OGDH: variants seen among roughly 807,000 people sequenced by gnomAD.
The protein encoded by OGDH is oxoglutarate dehydrogenase.
Under a neutral mutation model 116.6 loss-of-function variants are expected in OGDH, and 38 were observed. The ratio of observed to expected loss-of-function variants is 0.33; its 90% CI spans 0.25 to 0.43. The LOEUF (loss-of-function observed/expected upper bound fraction) is 0.43, where lower values mean the gene tolerates loss of function less well. OGDH is among the 20% of genes least tolerant of loss of function. The probability of loss-of-function intolerance (pLI) is 1.00; values close to 1 mark genes in which losing one functional copy is unlikely to be tolerated. For missense variants in OGDH, 825 were observed against 1,357.2 expected (o/e 0.61, Z 6.16); for synonymous variants, 488 against 533.3 (o/e 0.92, Z 1.17).
intron 18 of OGDH, among the ~76,000 whole-genome samples, chr7:44,699,186 T>C (rs982963315): frequency 7.5e-6 from 1 of 133,662 alleles, no homozygotes; most frequent in African/African-American, 2.9e-5. Flanking sequence ...CTCAACACTT[T>C]GGAGGCCCAG....
chr7:44,694,122 C>G lies in OGDH; in HGVS notation c.1515+118C>G. On this transcript the variant is annotated intron_variant, in intron 11 of 22. Coordinates refer to ENST00000222673, the MANE Select transcript of OGDH (RefSeq NM_002541.4). This position sits in a 1 kb window ranked among gnomAD's most constrained non-coding sequence, Gnocchi z 4.2. ...TCTAGATGAGTCACCTCAGGGCTCT[C>G]TACTGCCAGGCCTCATGCTGGTTCC... The G allele has an allele frequency of 8.8e-7, 1 of 1,130,582 alleles. No homozygotes were observed. The highest frequency in any genetic ancestry group is 1.6e-5 in the South Asian group (1 of 61,364). The allele number at this position is 1,130,582 out of a possible 1,614,324, so 70.0% of individuals were successfully genotyped here.
rs139263859 is a variant in OGDH at position 44,674,572 on chromosome 7, G to A, written c.935+15G>A. 2.1e-3 allele frequency: 3,396 copies of A among 1,613,450 alleles called. 6 individuals carry two copies. The highest frequency in any genetic ancestry group is 2.6e-3 in the Non-Finnish European group (3,126 of 1,179,782). ...ATGCCACACAGGTACAGCCAAGGGC[G>A]CGCCCAACCTGGTTTCTCACCATCC... is the stretch of plus-strand genomic sequence containing the variant. On this transcript the variant is annotated intron_variant, in intron 7 of 22. Transcript: ENST00000222673.
At chr7:44,705,873 C>T (rs1027828674) in intron 20 of OGDH, among the ~76,000 whole-genome samples, 1 of 152,162 alleles carries the variant, frequency 6.6e-6, no homozygotes, top group East Asian at 1.9e-4. Context: ...GTTTGTTAAC[C>T]TTACTCCTTT....
At chr7:44,621,495 C>A (rs1785007238) in intron 1 of OGDH, among the ~76,000 whole-genome samples, 1 of 152,184 alleles carries the variant, frequency 6.6e-6, no homozygotes, top group African/African-American at 2.4e-5. Flanking sequence ...CAGCAAATAG[C>A]TGTCCTGGCC....
At chr7:44,638,573 A>G (rs1016264976) in intron 2 of OGDH, among the ~76,000 whole-genome samples, 5 of 152,216 alleles carry the variant, frequency 3.3e-5, no homozygotes, top group African/African-American at 1.2e-4. Context: ...ATCAGACTGC[A>G]ATTCCGGGAC....
At chr7:44,607,921 C>T (rs1286304112) in intron 1 of OGDH, among the ~76,000 whole-genome samples, 1 of 152,118 alleles carries the variant, frequency 6.6e-6, no homozygotes, top group Admixed American at 6.6e-5. Flanking sequence ...AGGCTATTCT[C>T]GAACTCCTGA....
chr7:44,707,893 A>G lies in OGDH; in HGVS notation c.2966A>G (p.Asp989Gly). ...CCATCTCTCAGGTATGCCGGCCGGGACCCAGCGGCTGCTCCAGCCACCGGC... is the reference window on the plus strand; with the variant it reads ...CCATCTCTCAGGTATGCCGGCCGGGGCCCAGCGGCTGCTCCAGCCACCGGC... ...RAKPVWYAGR[D>G]PAAAPATGNK... Residue 989 changes from aspartate (D) to glycine (G), a missense_variant, in exon 23 of 23, where the codon GAC becomes GGC. Asp to Gly is a moderately conservative substitution (Grantham distance 94). This residue lies in a region of OGDH where 212 missense variants were observed against 284.3 expected (regional missense o/e 0.75). Coordinates refer to ENST00000222673, the MANE Select transcript of OGDH (RefSeq NM_002541.4). This position sits in a 1 kb window ranked among gnomAD's most constrained non-coding sequence, Gnocchi z 5.2. The G allele has an allele frequency of 6.2e-7, 1 of 1,613,174 alleles. No individual in the cohort carries two copies.
At chr7:44,622,073 G>A (rs1030592706) in intron 1 of OGDH, among the ~76,000 whole-genome samples, 1 of 152,140 alleles carries the variant, frequency 6.6e-6, no homozygotes, top group Non-Finnish European at 1.5e-5. Context: ...TGCAGCAACT[G>A]AATACTGATA....
At chr7:44,679,685 A>G (rs1343335489) in intron 9 of OGDH, among the ~76,000 whole-genome samples, 1 of 152,196 alleles carries the variant, frequency 6.6e-6, no homozygotes, top group Admixed American at 6.5e-5. Flanking sequence ...TAAAGATAAG[A>G]TTAACGTTTA....
intron 5 of OGDH, among the ~76,000 whole-genome samples, chr7:44,668,389 TC>T (rs1787278986): frequency 6.6e-6 from 1 of 151,958 alleles, no homozygotes; most frequent in Non-Finnish European, 1.5e-5. Flanking sequence ...TGAGCGAAGA[TC>T]GCGCCACTGC....
At chr7:44,672,951 C>G (rs1410241699) in intron 5 of OGDH, among the ~76,000 whole-genome samples, 3 of 152,066 alleles carry the variant, frequency 2.0e-5, no homozygotes, top group African/African-American at 7.2e-5. Flanking sequence ...CCGAGATGGA[C>G]TTCTAAGAGC....
intron 10 of OGDH, among the ~76,000 whole-genome samples, chr7:44,686,789 A>G (rs2116281842): frequency 6.6e-6 from 1 of 151,226 alleles, no homozygotes; most frequent in South Asian, 2.1e-4. Context: ...CCTGGGTTCA[A>G]GGATTCTCCT....
At chr7:44,690,342 G>A (rs1788316300) in intron 10 of OGDH, among the ~76,000 whole-genome samples, 2 of 152,160 alleles carry the variant, frequency 1.3e-5, no homozygotes, top group African/African-American at 4.8e-5. Flanking sequence ...GAGGTGAGAG[G>A]AGAAACCATT....
rs137910423 is a variant in OGDH at position 44,675,208 on chromosome 7, C to T, written c.966C>T (p.Ile322=). ...GGCTGAACGTGCTTGCAAATGTCAT[C>T]AGGAAGGAGCTGGAACAGATCTTCT... The part of the protein sequence containing the change: ...RGRLNVLANV[I]RKELEQIFCQ... Residue 322 remains isoleucine, a synonymous_variant, in exon 8 of 23, where the codon ATC becomes ATT. Transcript: ENST00000222673. 42 of 1,614,054 alleles carry T rather than the reference C, an allele frequency of 2.6e-5. No homozygotes were observed. The highest frequency in any genetic ancestry group is 2.3e-4 in the African/African-American group (17 of 74,934).
At chr7:44,696,247 C>G in intron 13 of OGDH, 120 bp downstream of exon 13, 1 of 1,024,488 alleles carries the variant, frequency 9.8e-7, no homozygotes. Context: ...GTTGTATGCA[C>G]CATTTCAGCA....
chr7:44,615,744 G>T (rs1351408183), intron 1 of OGDH, among the ~76,000 whole-genome samples: 1 of 152,112 alleles, frequency 6.6e-6, no homozygotes, highest in Non-Finnish European at 1.5e-5. Flanking sequence ...AGAAAATCAA[G>T]AACTCAGTGC....
At chr7:44,611,120 G>C (rs1410109314) in intron 1 of OGDH, among the ~76,000 whole-genome samples, 1 of 147,712 alleles carries the variant, frequency 6.8e-6, no homozygotes, top group Non-Finnish European at 1.5e-5. Context: ...TGTCACCCCA[G>C]GCTGGAGTGC....
chr7:44,661,111 G>T (rs753685201), intron 4 of OGDH, among the ~76,000 whole-genome samples: 1 of 152,128 alleles, frequency 6.6e-6, no homozygotes, highest in Non-Finnish European at 1.5e-5. Context: ...CAGATTTGGG[G>T]TCACTTATTT....
At chr7:44,685,777 C>A (rs892597365) in intron 10 of OGDH, among the ~76,000 whole-genome samples, 1 of 151,934 alleles carries the variant, frequency 6.6e-6, no homozygotes, top group Admixed American at 6.6e-5. Context: ...CACCACCATG[C>A]CCAGCTATTT....
Sources: gnomAD v4.1 joint callset for allele counts (sites outside exome capture counted in the v4.1 genomes callset) on GRCh38, gnomAD v4.1.1 for gene constraint, gnomAD v4.1.1 regional missense constraint, Gnocchi (gnomAD v3.1) non-coding constraint, MANE v1.5 for transcripts, NCBI Gene and HGNC (gene_info 2026-07-23, HGNC 2026-07-21) for gene names.